The following BMPR1A variants were observed in gnomAD, a reference collection of about 807,000 sequenced individuals.
BMPR1A encodes bone morphogenetic protein receptor type 1A, also known as bone morphogenetic protein receptor type-1A.
Under a neutral mutation model 66.0 loss-of-function variants are expected in BMPR1A, and 7 were observed. The ratio of observed to expected loss-of-function variants is 0.11; its 90% CI spans 0.06 to 0.20. The LOEUF is 0.20. Among genes scored for constraint, BMPR1A ranks in the 10% least tolerant of loss-of-function variants. The probability of loss-of-function intolerance (pLI) is 1.00; values close to 1 mark genes in which losing one functional copy is unlikely to be tolerated. For missense variants in BMPR1A, 408 were observed against 669.1 expected, an observed-to-expected ratio of 0.61 and a Z score of 4.31; for synonymous variants, 200 against 229.7, an observed-to-expected ratio of 0.87 and a Z score of 1.17.
At chr10:86,861,820 A>C (rs1248431342) in intron 2 of BMPR1A, among the ~76,000 whole-genome samples, 2 of 152,224 alleles carry the variant, frequency 1.3e-5, no homozygotes, top group African/African-American at 4.8e-5. Flanking sequence ...CAAGTCAGGG[A>C]TGGAAGTGAG....
In BMPR1A at chr10:86,797,068, C is replaced by CTTTTTTTTTTTTT. The variant is rs780930060; in HGVS notation, c.-268+40153_-268+40165dup. On this transcript the variant is annotated intron_variant, in intron 1 of 12. Transcript: ENST00000372037. ...TTTTCCTTTCTTTTTCTTTTCTTTT[C>CTTTTTTTTTTTTT]TTTTTTTTTTTTTTTTGAGACAGTC... Among the ~76,000 whole-genome samples, 214 of 104,998 alleles carry CTTTTTTTTTTTTT rather than the reference C, an allele frequency of 2.0e-3. 2 individuals carry two copies. The highest frequency in any genetic ancestry group is 2.9e-3 in the Non-Finnish European group (148 of 50,816). 68.9% of individuals were successfully genotyped at this position (104,998 alleles called of 152,430 possible). A position where few individuals can be genotyped will look rare whatever the true frequency, so the allele number is the denominator to read the frequency against.
chr10:86,855,183 C>T (rs781733637), intron 2 of BMPR1A: 9 of 531,528 alleles, frequency 1.7e-5, no homozygotes, highest in East Asian at 6.5e-5. Flanking sequence ...GGATTACAGG[C>T]GTGAGCCACC....
intron 1 of BMPR1A, among the ~76,000 whole-genome samples, chr10:86,768,638 AAAG>A (rs1238030095): frequency 9.2e-5 from 14 of 152,254 alleles, no homozygotes; most frequent in African/African-American, 3.1e-4. Context: ...TTAAAAGAAT[AAAG>A]AAATCCTGAT....
At chr10:86,758,911 A>G (rs1487106475) in intron 1 of BMPR1A, among the ~76,000 whole-genome samples, 1 of 152,232 alleles carries the variant, frequency 6.6e-6, no homozygotes, top group African/African-American at 2.4e-5. Context: ...TCATTCATCT[A>G]TACTCGCTGT....
At chr10:86,879,820 G>T (rs1842963900) in intron 3 of BMPR1A, among the ~76,000 whole-genome samples, 1 of 152,188 alleles carries the variant, frequency 6.6e-6, no homozygotes, top group Non-Finnish European at 1.5e-5. Context: ...GATGAAGTGG[G>T]ATAAGTACTA....
intron 1 of BMPR1A, among the ~76,000 whole-genome samples, chr10:86,812,971 C>T (rs528794097): frequency 1.6e-4 from 25 of 152,210 alleles, no homozygotes; most frequent in Non-Finnish European, 2.9e-4. Context: ...GCCTATTTAT[C>T]GCTCCCTCCT....
chr10:86,843,636 A>G (rs1269753888), intron 2 of BMPR1A: 1 of 152,172 alleles, frequency 6.6e-6, no homozygotes, highest in African/African-American at 2.4e-5. Context: ...AGAACATAGG[A>G]GGTTATGTGA....
intron 2 of BMPR1A, among the ~76,000 whole-genome samples, chr10:86,840,272 C>T (rs937256935): frequency 2.0e-5 from 3 of 152,264 alleles, no homozygotes; most frequent in Admixed American, 6.5e-5. Flanking sequence ...CATTCACTCG[C>T]CCTTCTCCTG....
intron 1 of BMPR1A, among the ~76,000 whole-genome samples, chr10:86,832,846 G>A (rs1030280790): frequency 6.6e-6 from 1 of 152,072 alleles, no homozygotes; most frequent in African/African-American, 2.4e-5. Context: ...CCAGTTTTTG[G>A]TTATTATGAA....
Position 86,894,852 on chromosome 10 carries a change from CTG to C in BMPR1A, c.333+2627_333+2628del, listed in dbSNP as rs1843203269. Among the ~76,000 whole-genome samples, 2 of 152,190 alleles carry C rather than the reference CTG, an allele frequency of 1.3e-5. 1 individual carries two copies. The highest frequency in any genetic ancestry group is 4.1e-4 in the South Asian group (2 of 4,830). ...ACCCATATCCCTGGGTACACTCAGA[CTG>C]TGTTATACAAGGGTAACGGGCACGT... On this transcript the variant is annotated intron_variant, in intron 5 of 12. Coordinates refer to ENST00000372037, the MANE Select transcript of BMPR1A (RefSeq NM_004329.3).
intron 1 of BMPR1A, among the ~76,000 whole-genome samples, chr10:86,829,621 T>C (rs1354902016): frequency 1.3e-5 from 2 of 152,242 alleles, no homozygotes; most frequent in Admixed American, 1.3e-4. Context: ...AATCTGCTTT[T>C]CATCTCTATG....
At chr10:86,805,842 C>A (rs997199641) in intron 1 of BMPR1A, among the ~76,000 whole-genome samples, 1 of 150,990 alleles carries the variant, frequency 6.6e-6, no homozygotes, top group Non-Finnish European at 1.5e-5. Context: ...AACATTGAGG[C>A]GGCACTTTGA....
intron 1 of BMPR1A, among the ~76,000 whole-genome samples, chr10:86,814,902 C>T (rs532604704): frequency 6.6e-6 from 1 of 152,254 alleles, no homozygotes; most frequent in South Asian, 2.1e-4. Flanking sequence ...TCTTCTGCCT[C>T]AGCCTCCCGA....
intron 2 of BMPR1A, among the ~76,000 whole-genome samples, chr10:86,860,804 G>A (rs1173424417): frequency 6.6e-6 from 1 of 150,588 alleles, no homozygotes; most frequent in East Asian, 1.9e-4. Flanking sequence ...AGGAAAGCAG[G>A]GACAAGTAAA....
chr10:86,781,472 C>T (rs1443553155), intron 1 of BMPR1A, among the ~76,000 whole-genome samples: 1 of 152,072 alleles, frequency 6.6e-6, no homozygotes, highest in Non-Finnish European at 1.5e-5. Context: ...TGTGATACCT[C>T]CAACTTTTTG....
In BMPR1A at chr10:86,893,595, C is replaced by T. The variant is rs1025563113; in HGVS notation, c.333+1366C>T. On this transcript the variant is annotated intron_variant, in intron 5 of 12. Transcript: ENST00000372037. Reference sequence around the variant, plus strand: ...ACGAGGTCTGGAGATCAAGACCATCCGGCTAACATGGTGAAACTCCGTCTC... The same window carrying T: ...ACGAGGTCTGGAGATCAAGACCATCTGGCTAACATGGTGAAACTCCGTCTC... 6.6e-5 allele frequency among the ~76,000 whole-genome samples: 10 copies of T among 151,990 alleles called. 1 individual carries two copies. The East Asian group carries it at 1.4e-3, about 21-fold the overall frequency.
chr10:86,907,478 T>C (rs899698248), intron 7 of BMPR1A, among the ~76,000 whole-genome samples: 7 of 152,244 alleles, frequency 4.6e-5, no homozygotes, highest in African/African-American at 1.4e-4. Flanking sequence ...ATCCCACTAT[T>C]TGGTATATAT....
intron 7 of BMPR1A, among the ~76,000 whole-genome samples, chr10:86,904,437 G>A (rs1032461801): frequency 1.3e-5 from 2 of 152,096 alleles, no homozygotes; most frequent in African/African-American, 4.8e-5. Context: ...AGAAGATAGC[G>A]AACCAACATC....
At chr10:86,776,644 C>T (rs1217397882) in intron 1 of BMPR1A, among the ~76,000 whole-genome samples, 2 of 152,194 alleles carry the variant, frequency 1.3e-5, no homozygotes, top group African/African-American at 4.8e-5. Flanking sequence ...CACTCTCCCT[C>T]CCACCTTCCT....
Sources: gnomAD v4.1 joint callset for allele counts (sites outside exome capture counted in the v4.1 genomes callset) on GRCh38, gnomAD v4.1.1 for gene constraint, MANE v1.5 for transcripts, NCBI Gene and HGNC (gene_info 2026-07-23, HGNC 2026-07-21) for gene names.